Variants in KDELR1 observed in about 807,000 individuals in gnomAD.
KDELR1 encodes the protein KDEL endoplasmic reticulum protein retention receptor 1.
In KDELR1, 16 loss-of-function variants were observed where a neutral mutation model predicts 25.5. The observed-to-expected ratio is 0.63, with a 90% CI of 0.43 to 0.95. KDELR1 has a LOEUF of 0.95. Ranked by LOEUF, KDELR1 falls within the 40% of genes least tolerant of loss-of-function variation. The pLI is 0.00. For synonymous variants in KDELR1, 121 were observed against 115.0 expected, an observed-to-expected ratio of 1.05 and a Z score of -0.33; for missense variants, 159 against 265.2, an observed-to-expected ratio of 0.60 and a Z score of 2.78.
In KDELR1 at chr19:48,389,687, T is replaced by C. The variant is rs779045481; in HGVS notation, c.217A>G (p.Thr73Ala). ...MKVVYIACSF[T>A]TVWLIYSKFK... ...TTGCTATAAATCAACCAGACCGTGG[T>C]GAAGGAGCAGGCTATGTAGACCACC... The change falls in exon 3 of 5, where the codon ACC becomes GCC. Residue 73 changes from threonine (T) to alanine (A), a missense_variant. Transcript: ENST00000330720. 1 of 1,613,930 alleles carries C rather than the reference T, an allele frequency of 6.2e-7. No individual in the cohort carries two copies. Among genetic ancestry groups the C allele is most frequent in the African/African-American group, 1.3e-5 (1 of 74,900 alleles).
At chr19:48,390,569 G>C (rs1970539441) in intron 1 of KDELR1, 45 bp from the exon 2 acceptor site, 2 of 1,274,816 alleles carry the variant, frequency 1.6e-6, no homozygotes, top group Non-Finnish European at 2.3e-6. Flanking sequence ...GAGACAGAGA[G>C]AGAGAGAGAG....
At chr19:48,396,867 G>A in the KDELR1 span, among the ~76,000 whole-genome samples, 1 of 152,010 alleles carries the variant, frequency 6.6e-6, no homozygotes, top group South Asian at 2.1e-4. Flanking sequence ...TTCCTTGTCT[G>A]GACCCTCACC....
upstream of KDELR1, among the ~76,000 whole-genome samples, chr19:48,392,784 A>C (rs1462896162): frequency 5.3e-5 from 8 of 150,934 alleles, no homozygotes; most frequent in Non-Finnish European, 1.2e-4. Context: ...ACACACACAC[A>C]CCCTCTTCCA....
chr19:48,395,490 ATGT>A (rs929016964), upstream of KDELR1, among the ~76,000 whole-genome samples: 10 of 151,524 alleles, frequency 6.6e-5, no homozygotes, highest in Admixed American at 3.9e-4. Flanking sequence ...GGAGAGACCG[ATGT>A]TGTGTGTGTG....
chr19:48,391,663 G>A, upstream of KDELR1: 1 of 422,568 alleles, frequency 2.4e-6, no homozygotes, highest in Non-Finnish European at 4.4e-6. Flanking sequence ...CCGTGGCGGC[G>A]CTAAACGCAC....
intron 3 of KDELR1, among the ~76,000 whole-genome samples, chr19:48,385,158 AT>A (rs964111918): frequency 2.0e-5 from 3 of 152,166 alleles, no homozygotes; most frequent in Admixed American, 6.5e-5. Context: ...AAGTGCTGGG[AT>A]TACAGGCATG....
At chr19:48,393,116 G>C (rs1316587439), upstream of KDELR1, among the ~76,000 whole-genome samples, 1 of 152,172 alleles carries the variant, frequency 6.6e-6, no homozygotes, top group Non-Finnish European at 1.5e-5. This position sits in a 1 kb window ranked among gnomAD's most constrained non-coding sequence, Gnocchi z 5.6. Context: ...GTCCCTGAGG[G>C]TGGCTTGTAC....
At chr19:48,392,749 C>T (rs958424024), upstream of KDELR1, among the ~76,000 whole-genome samples, 1 of 152,186 alleles carries the variant, frequency 6.6e-6, no homozygotes, top group Admixed American at 6.5e-5. Flanking sequence ...GGCTTCCCCC[C>T]TGCTCCAGAG....
At position 48,384,410 on chromosome 19, in the gene KDELR1, C is replaced by T. The variant is rs1207430598; in HGVS notation, c.424G>A (p.Gly142Ser). 7.4e-6 allele frequency: 12 copies of T among 1,613,932 alleles called. No homozygotes were observed. Among genetic ancestry groups the T allele is most frequent in the Admixed American group, 3.3e-5 (2 of 59,960 alleles). ...TGGCTGGTGATGGTCTCCGCCTCGC[C>T]GGTCTTGCTCACCATGAACAGCTGC... The part of the protein sequence containing the change: ...LPQLFMVSKT[G>S]EAETITSHYL... The change falls in exon 4 of 5, where the codon GGC becomes AGC. Residue 142 changes from glycine (G) to serine (S), a missense_variant. Physicochemically the swap from Gly to Ser is moderately conservative, Grantham distance 56. Coordinates refer to ENST00000330720, the MANE Select transcript of KDELR1 (RefSeq NM_006801.3). The surrounding 1 kb of genome is among the most constrained non-coding windows in gnomAD (Gnocchi z 4.6).
chr19:48,397,231 T>G, the KDELR1 span, among the ~76,000 whole-genome samples: 1 of 152,034 alleles, frequency 6.6e-6, no homozygotes. Flanking sequence ...GTGGTCAGGG[T>G]GAGGAGTAAG....
chr19:48,384,562 G>A lies in KDELR1; in HGVS notation c.352-80C>T. 6.6e-7 allele frequency: 1 copy of A among 1,508,116 alleles called. No individual in the cohort carries two copies. Among genetic ancestry groups the A allele is most frequent in the East Asian group, 2.4e-5 (1 of 41,520 alleles). 93.4% of individuals were successfully genotyped at this position (1,508,116 alleles called of 1,614,324 possible). A position where few individuals can be genotyped will look rare whatever the true frequency, so the allele number is the denominator to read the frequency against. On this transcript the variant is annotated intron_variant, in intron 3 of 4. Coordinates refer to ENST00000330720, the MANE Select transcript of KDELR1 (RefSeq NM_006801.3). The surrounding 1 kb of genome is among the most constrained non-coding windows in gnomAD (Gnocchi z 4.6). Reference sequence around the variant, plus strand: ...GCAGAGGACAACATTGCAGTTACAGGTGCCGCGAAGGTGGAGAGAAGGAAG... The same window carrying A: ...GCAGAGGACAACATTGCAGTTACAGATGCCGCGAAGGTGGAGAGAAGGAAG...
At chr19:48,390,923 C>G in intron 1 of KDELR1, 1 of 457,946 alleles carries the variant, frequency 2.2e-6, no homozygotes, top group South Asian at 2.2e-5. Context: ...ACCTCCCTCC[C>G]GTTCCCTTCC....
At chr19:48,390,547 G>GAGAGAGAGAGAGAC in intron 1 of KDELR1, 23 bp from the exon 2 acceptor site, 11 of 958,086 alleles carry the variant, frequency 1.1e-5, no homozygotes, top group South Asian at 1.8e-5. Context: ...GACAGAGAAA[G>GAGAGAGAGAGAGAC]AGAGAGAGAG....
chr19:48,392,965 C>T (rs111366429), upstream of KDELR1, among the ~76,000 whole-genome samples: 812 of 152,328 alleles, frequency 5.3e-3, 8 homozygotes, highest in African/African-American at 0.019. Context: ...AGGGGACAGA[C>T]GTGGCTTCCC....
chr19:48,396,193 G>A (rs148352046), upstream of KDELR1, among the ~76,000 whole-genome samples: 171 of 151,996 alleles, frequency 1.1e-3, 1 homozygote, highest in Admixed American at 2.0e-3. Flanking sequence ...GGAGCGGGGG[G>A]TTGTCCAGAG....
chr19:48,382,717 C>CA lies in KDELR1; in HGVS notation c.*575dup, dbSNP rs1569050710. On this transcript the variant is annotated 3_prime_UTR_variant, in exon 5 of 5. Coordinates refer to ENST00000330720, the MANE Select transcript of KDELR1 (RefSeq NM_006801.3). ...GGGCCCCCCTAATTTGCCAAAAAAC[C>CA]AGGAGAAGACCAAAAAATTCAAACT... 1 of 153,128 alleles carries CA rather than the reference C, an allele frequency of 6.5e-6. No homozygotes were observed. The highest frequency in any genetic ancestry group is 1.9e-4 in the East Asian group (1 of 5,208). The allele number at this position is 153,128 out of a possible 1,614,324, so 9.5% of individuals were successfully genotyped here.
rs1970466230 is a variant in KDELR1 at position 48,382,765 on chromosome 19, A to G, written c.*528T>C. Reference sequence around the variant, plus strand: ...ACTCTGGGGAAAAAAATTACTATGAAAAAAAATCAGGGGAGACCTTCCTGG... The same window carrying G: ...ACTCTGGGGAAAAAAATTACTATGAGAAAAAATCAGGGGAGACCTTCCTGG... On this transcript the variant is annotated 3_prime_UTR_variant, in exon 5 of 5. Transcript: ENST00000330720. 2 of 152,774 alleles carry G rather than the reference A, an allele frequency of 1.3e-5. No homozygotes were observed. The highest frequency in any genetic ancestry group is 2.1e-4 in the South Asian group (1 of 4,832). 9.5% of individuals were successfully genotyped at this position (152,774 alleles called of 1,614,324 possible).
chr19:48,390,557 G>GAC (rs1555890415), intron 1 of KDELR1, 33 bp from the exon 2 acceptor site: 21 of 1,316,458 alleles, frequency 1.6e-5, no homozygotes, highest in South Asian at 8.4e-5. Context: ...GAGAGAGAGA[G>GAC]AGAGACAGAG....
At chr19:48,389,775 C>A in intron 2 of KDELR1, 64 bp from the exon 3 acceptor site, 1 of 1,577,460 alleles carries the variant, frequency 6.3e-7, no homozygotes, top group Non-Finnish European at 8.7e-7. Flanking sequence ...AGGCTCAGAG[C>A]CCGGAGTCCA....
Sources: allele counts gnomAD v4.1 joint callset (sites outside exome capture counted in the v4.1 genomes callset), GRCh38; gene constraint gnomAD v4.1.1; non-coding constraint Gnocchi (gnomAD v3.1); transcripts MANE v1.5; gene names NCBI Gene and HGNC (gene_info 2026-07-23, HGNC 2026-07-21).